The following UGGT1 variants were observed in gnomAD, a reference collection of about 807,000 sequenced individuals.
UGGT1 encodes UDP-glucose:glycoprotein glucosyltransferase 1.
Under a neutral mutation model 203.9 loss-of-function variants are expected in UGGT1, and 107 were observed. The ratio of observed to expected loss-of-function variants is 0.52; its 90% CI spans 0.45 to 0.62. The LOEUF is 0.62. UGGT1 is among the 20% of genes least tolerant of loss of function. The pLI, the probability that UGGT1 is intolerant of heterozygous loss-of-function variation, is 0.00. For missense variants in UGGT1, 1,673 were observed against 1,867.2 expected (o/e 0.90, Z 1.92); for synonymous variants, 628 against 653.5 (o/e 0.96, Z 0.59).
intron 2 of UGGT1, among the ~76,000 whole-genome samples, chr2:128,099,787 A>G (rs1573490460): frequency 6.6e-6 from 1 of 152,190 alleles, no homozygotes; most frequent in Non-Finnish European, 1.5e-5. Context: ...ACTTTATTTG[A>G]TACAGCATAG....
intron 8 of UGGT1, among the ~76,000 whole-genome samples, chr2:128,118,537 T>C (rs1688235163): frequency 6.6e-6 from 1 of 152,206 alleles, no homozygotes. Context: ...AGTGTTAGAA[T>C]TACAGGTGTG....
chr2:128,126,240 C>T (rs902996825), intron 11 of UGGT1, among the ~76,000 whole-genome samples: 1 of 151,504 alleles, frequency 6.6e-6, no homozygotes, highest in African/African-American at 2.4e-5. Context: ...TCATGCTTGA[C>T]CAAAATGTAT....
chr2:128,187,433 T>C lies in UGGT1; in HGVS notation c.4477-16T>C. 2 of 1,610,382 alleles carry C rather than the reference T, an allele frequency of 1.2e-6. No homozygotes were observed. The highest frequency in any genetic ancestry group is 1.7e-6 in the Non-Finnish European group (2 of 1,177,304). ...TTTCTTCAACTCAGCTGAAGTGTGT[T>C]CTTTTGGTTTCACAGTGTAATAATC... On this transcript the variant is annotated splice_polypyrimidine_tract_variant and intron_variant, in intron 39 of 40. Coordinates refer to ENST00000259253, the MANE Select transcript of UGGT1 (RefSeq NM_020120.4).
chr2:128,116,323 G>A lies in UGGT1; in HGVS notation c.852G>A (p.Gly284=). The part of the protein sequence containing the change: ...GENDPIDEVQ[G]FLFGKLRDLH... Reference sequence around the variant, plus strand: ...ATGATCCTATTGATGAGGTTCAGGGGTTCCTCTTTGGAAAATTAAGGTATG... The same window carrying A: ...ATGATCCTATTGATGAGGTTCAGGGATTCCTCTTTGGAAAATTAAGGTATG... Residue 284 remains glycine (G), a synonymous_variant, in exon 8 of 41, where the codon GGG becomes GGA. Coordinates refer to ENST00000259253, the MANE Select transcript of UGGT1 (RefSeq NM_020120.4). 1 of 1,610,980 alleles carries A rather than the reference G, an allele frequency of 6.2e-7. No homozygotes were observed. The highest frequency in any genetic ancestry group is 1.7e-4 in the Middle Eastern group (1 of 6,060).
chr2:128,103,871 G>A (rs959825973), intron 2 of UGGT1, 61 bp from the exon 3 acceptor site: 6 of 1,221,690 alleles, frequency 4.9e-6, no homozygotes, highest in Admixed American at 4.7e-5. Flanking sequence ...ACTCTCTTTA[G>A]TAATATAGTT....
chr2:128,162,209 T>A (rs1334722297), intron 25 of UGGT1, among the ~76,000 whole-genome samples: 1 of 152,042 alleles, frequency 6.6e-6, no homozygotes, highest in Non-Finnish European at 1.5e-5. Flanking sequence ...TGCCCATTTT[T>A]AATTGCGTTT....
At chr2:128,104,407 G>C (rs1401408889) in intron 3 of UGGT1, among the ~76,000 whole-genome samples, 2 of 152,180 alleles carry the variant, frequency 1.3e-5, no homozygotes, top group African/African-American at 4.8e-5. Flanking sequence ...CATTAAGTTA[G>C]TATCATCCAG....
intron 18 of UGGT1, among the ~76,000 whole-genome samples, chr2:128,148,600 T>G (rs1689803950): frequency 6.6e-6 from 1 of 152,214 alleles, no homozygotes; most frequent in Non-Finnish European, 1.5e-5. Context: ...CATTTTTGCT[T>G]GCACAGAGCC....
At chr2:128,127,543 A>G (rs1688662820) in intron 12 of UGGT1, 91 bp downstream of exon 12, 1 of 1,001,710 alleles carries the variant, frequency 1.0e-6, no homozygotes, top group African/African-American at 1.6e-5. Flanking sequence ...TTGATATGGC[A>G]TGATGCAAAG....
chr2:128,161,064 A>G (rs1690503227), intron 24 of UGGT1, 74 bp from the exon 25 acceptor site: 2 of 1,573,846 alleles, frequency 1.3e-6, no homozygotes, highest in East Asian at 4.5e-5. Flanking sequence ...TGAGGACGCC[A>G]GAGGGTTCCT....
chr2:128,171,101 T>C (rs1691074901), intron 27 of UGGT1, 104 bp from the exon 28 acceptor site: 2 of 1,047,742 alleles, frequency 1.9e-6, no homozygotes, highest in Admixed American at 5.2e-5. Flanking sequence ...ACTCTGTGGC[T>C]GTTATCTTTA....
chr2:128,113,668 A>G (rs1049858976), intron 6 of UGGT1, among the ~76,000 whole-genome samples: 21 of 152,268 alleles, frequency 1.4e-4, no homozygotes, highest in African/African-American at 4.8e-4. Context: ...GGTAGACTTG[A>G]TGTAATATTA....
chr2:128,179,095 G>A (rs1691555317), intron 34 of UGGT1, among the ~76,000 whole-genome samples: 1 of 152,090 alleles, frequency 6.6e-6, no homozygotes, highest in Non-Finnish European at 1.5e-5. Flanking sequence ...GGTCACCAGA[G>A]GCACTGTCAG....
chr2:128,175,553 C>A (rs533663473), intron 31 of UGGT1, among the ~76,000 whole-genome samples: 31 of 152,300 alleles, frequency 2.0e-4, no homozygotes, highest in African/African-American at 7.5e-4. Flanking sequence ...TAATTAGCTC[C>A]GTAGCGACAC....
chr2:128,104,122 G>A lies in UGGT1; in HGVS notation c.277+108G>A. On this transcript the variant is annotated intron_variant, in intron 3 of 40. Transcript: ENST00000259253. ...ATGGCAGTTAATGGAAAACATTGTT[G>A]TCTTTAATGACTGGAGTTATGATGG... The A allele has an allele frequency of 3.8e-6, 3 of 780,370 alleles. 1 individual carries two copies. Among genetic ancestry groups the A allele is most frequent in the Non-Finnish European group, 5.9e-6 (3 of 507,550 alleles). 48.3% of individuals were successfully genotyped at this position (780,370 alleles called of 1,614,324 possible).
At chr2:128,164,679 G>A (rs985047460) in intron 25 of UGGT1, 51 bp from the exon 26 acceptor site, 1 of 1,511,122 alleles carries the variant, frequency 6.6e-7, no homozygotes, top group Non-Finnish European at 9.2e-7. Context: ...GCAATAATTG[G>A]AAAACTTTCA....
chr2:128,117,566 C>T (rs1206438394), intron 8 of UGGT1, among the ~76,000 whole-genome samples: 4 of 109,110 alleles, frequency 3.7e-5, no homozygotes, highest in Admixed American at 1.1e-4. Flanking sequence ...TTTTTTGAGA[C>T]GGAGTCTTGC....
chr2:128,181,923 A>G (rs934684486), intron 36 of UGGT1, among the ~76,000 whole-genome samples: 9 of 152,174 alleles, frequency 5.9e-5, no homozygotes, highest in Admixed American at 2.0e-4. Flanking sequence ...TCCTACTCCC[A>G]CACACCTTGC....
intron 8 of UGGT1, among the ~76,000 whole-genome samples, chr2:128,119,785 C>G (rs1366737931): frequency 1.3e-5 from 2 of 151,172 alleles, no homozygotes; most frequent in African/African-American, 4.8e-5. Flanking sequence ...GTCATACTTG[C>G]TTTTCTCTTC....
Sources: gnomAD v4.1 joint callset for allele counts (sites outside exome capture counted in the v4.1 genomes callset) on GRCh38, gnomAD v4.1.1 for gene constraint, MANE v1.5 for transcripts, NCBI Gene and HGNC (gene_info 2026-07-23, HGNC 2026-07-21) for gene names.